Variants in ANKFY1 observed in about 807,000 individuals in gnomAD.
ANKFY1 encodes the protein ankyrin repeat and FYVE domain containing 1.
In ANKFY1, 47 loss-of-function variants were observed where a neutral mutation model predicts 128.3. That is an observed-to-expected ratio of 0.37 (90% CI 0.29 to 0.47). ANKFY1 has a LOEUF of 0.47. Ranked by LOEUF, ANKFY1 falls within the 20% of genes least tolerant of loss-of-function variation. The probability of loss-of-function intolerance (pLI) is 1.00; values close to 1 mark genes in which losing one functional copy is unlikely to be tolerated. For missense variants in ANKFY1, 1,222 were observed against 1,510.6 expected, an observed-to-expected ratio of 0.81 and a Z score of 3.17; for synonymous variants, 553 against 601.6, an observed-to-expected ratio of 0.92 and a Z score of 1.18.
intron 3 of ANKFY1, among the ~76,000 whole-genome samples, chr17:4,234,793 G>C (rs1474854145): frequency 6.6e-6 from 1 of 152,106 alleles, no homozygotes; most frequent in Non-Finnish European, 1.5e-5. Context: ...ACAGGCATGA[G>C]CCACCATACC....
At position 4,169,304 on chromosome 17, in the gene ANKFY1, G is replaced by A; in HGVS notation, c.3287-16C>T. ...GACAGCATATCTGCAACACAGGGGG[G>A]AGGCCCGGTCCCGTCAAACCGCGAC... is the stretch of plus-strand genomic sequence containing the variant. On this transcript the variant is annotated splice_polypyrimidine_tract_variant and intron_variant, in intron 23 of 24. Transcript: ENST00000341657. The surrounding 1 kb of genome is among the most constrained non-coding windows in gnomAD (Gnocchi z 5.0). 6.5e-7 allele frequency: 1 copy of A among 1,539,440 alleles called. No homozygotes were observed. The highest frequency in any genetic ancestry group is 1.2e-5 in the South Asian group (1 of 83,818).
At chr17:4,215,060 G>A (rs910935727) in intron 4 of ANKFY1, among the ~76,000 whole-genome samples, 3 of 151,996 alleles carry the variant, frequency 2.0e-5, no homozygotes, top group African/African-American at 2.4e-5. Flanking sequence ...AGGCTGAGGC[G>A]GGCGGATCAC....
rs1198704365 is a variant in ANKFY1, at chr17:4,181,169, G to C, written c.2240+85C>G. The stretch of plus-strand genomic sequence containing the variant: ...GTCAAGCCGGCTACTGGCATGCCAA[G>C]ACTATAGACGGATTTAAAAAGGAAA... On this transcript the variant is annotated intron_variant, in intron 16 of 24. Transcript: ENST00000341657. The surrounding 1 kb of genome is among the most constrained non-coding windows in gnomAD (Gnocchi z 4.9). 8.8e-7 allele frequency: 1 copy of C among 1,140,314 alleles called. No individual in the cohort carries two copies. Among genetic ancestry groups the C allele is most frequent in the Non-Finnish European group, 1.3e-6 (1 of 760,944 alleles). The allele number at this position is 1,140,314 out of a possible 1,614,324, so 70.6% of individuals were successfully genotyped here. A position where few individuals can be genotyped will look rare whatever the true frequency, so the allele number is the denominator to read the frequency against.
At chr17:4,242,153 C>T (rs1251047943) in intron 2 of ANKFY1, 103 bp downstream of exon 2, 38 of 1,215,364 alleles carry the variant, frequency 3.1e-5, no homozygotes, top group Non-Finnish European at 4.0e-5. Flanking sequence ...TGCTAATATC[C>T]TCATTAGAGA....
chr17:4,211,731 A>G (rs1215945511), intron 4 of ANKFY1, among the ~76,000 whole-genome samples: 6 of 152,022 alleles, frequency 3.9e-5, no homozygotes, highest in African/African-American at 1.4e-4. Flanking sequence ...TTAGGCAGGC[A>G]TGGTAGCATG....
At chr17:4,257,479 C>T (rs148284583) in intron 1 of ANKFY1, among the ~76,000 whole-genome samples, 2 of 152,314 alleles carry the variant, frequency 1.3e-5, no homozygotes, top group African/African-American at 4.8e-5. Context: ...TCACATCCCA[C>T]TAATTCCTTC....
chr17:4,168,887 G>A, intron 24 of ANKFY1: 1 of 350,550 alleles, frequency 2.9e-6, no homozygotes, highest in Non-Finnish European at 5.5e-6. Flanking sequence ...CACCATGAGG[G>A]CAGTAGCTCA....
At chr17:4,224,226 T>C (rs959387601) in intron 3 of ANKFY1, among the ~76,000 whole-genome samples, 32 of 133,176 alleles carry the variant, frequency 2.4e-4, no homozygotes, top group African/African-American at 8.7e-4. Context: ...TTTTTTTTTT[T>C]TTTTTTTTTT....
intron 7 of ANKFY1, among the ~76,000 whole-genome samples, chr17:4,202,878 ATCTTAAATCCTTAAGTCC>A (rs1473241622): frequency 6.6e-6 from 1 of 151,376 alleles, no homozygotes; most frequent in Non-Finnish European, 1.5e-5. Flanking sequence ...AAAATTTTAT[ATCTTAAATCCTTAAGTCC>A]TCTTAGAAGA....
chr17:4,256,525 G>A (rs746959518), intron 1 of ANKFY1, among the ~76,000 whole-genome samples: 2 of 152,154 alleles, frequency 1.3e-5, no homozygotes, highest in African/African-American at 2.4e-5. Context: ...AAGCACAGAT[G>A]TGAGAGGTGT....
chr17:4,193,646 G>A (rs1051772829), intron 10 of ANKFY1, among the ~76,000 whole-genome samples: 13 of 151,894 alleles, frequency 8.6e-5, no homozygotes, highest in Non-Finnish European at 1.8e-4. Context: ...GGATGGTCTC[G>A]AACTCCTGAC....
chr17:4,188,950 G>A (rs1351341126), intron 11 of ANKFY1: 1 of 142,044 alleles, frequency 7.0e-6, no homozygotes, highest in East Asian at 1.9e-4. Context: ...AACCCCAAAG[G>A]TAACACTTTT....
At chr17:4,172,454 C>T (rs1038007300) in intron 22 of ANKFY1, 102 bp downstream of exon 22, 65 of 1,482,960 alleles carry the variant, frequency 4.4e-5, no homozygotes, top group Middle Eastern at 5.0e-4. Context: ...AACTGTTCTG[C>T]GAGCTGAACG....
In ANKFY1 at chr17:4,240,055, T is replaced by C. The variant is rs1008167263; in HGVS notation, c.203+2201A>G. Among the ~76,000 whole-genome samples, 4 of 145,034 alleles carry C rather than the reference T, an allele frequency of 2.8e-5. No homozygotes were observed. In the South Asian group the frequency reaches 6.6e-4, roughly 24 times the overall value. The stretch of plus-strand genomic sequence containing the variant: ...TCTTTACAATTTCACCTAGATGACA[T>C]TAGCATGCCTTTTTTTTTTTTTTTT... On this transcript the variant is annotated intron_variant, in intron 2 of 24. Transcript: ENST00000341657.
intron 12 of ANKFY1, 45 bp downstream of exon 12, chr17:4,184,773 G>GGATCCTAAACT (rs2059580353): frequency 6.4e-7 from 1 of 1,574,614 alleles, no homozygotes; most frequent in Non-Finnish European, 8.7e-7. Flanking sequence ...ATCCTAAACT[G>GGATCCTAAACT]CTGTCCCCAA....
chr17:4,165,280 G>A lies in ANKFY1; in HGVS notation c.*2499C>T, dbSNP rs2059192044. On this transcript the variant is annotated 3_prime_UTR_variant, in exon 25 of 25. Transcript: ENST00000341657. ...ATTCAGCATAACAATGTTGACTGTT[G>A]CAGCAAATTATGTTTCAGTAAAGTT... is the stretch of plus-strand genomic sequence containing the variant. The A allele has an allele frequency of 6.6e-6, 1 of 152,232 alleles. No individual in the cohort carries two copies. The highest frequency in any genetic ancestry group is 1.5e-5 in the Non-Finnish European group (1 of 68,034). 9.4% of individuals were successfully genotyped at this position (152,232 alleles called of 1,614,324 possible). A position where few individuals can be genotyped will look rare whatever the true frequency, so the allele number is the denominator to read the frequency against.
At chr17:4,189,248 T>C in intron 11 of ANKFY1, 134 bp downstream of exon 11, 1 of 671,288 alleles carries the variant, frequency 1.5e-6, no homozygotes, top group Non-Finnish European at 2.5e-6. Flanking sequence ...CACTCTGGCT[T>C]TTTAACCATA....
At chr17:4,194,104 T>TATATATATATA (rs58136411) in intron 10 of ANKFY1, among the ~76,000 whole-genome samples, 2 of 43,056 alleles carry the variant, frequency 4.6e-5, no homozygotes, top group African/African-American at 1.5e-4. Flanking sequence ...TATATATATA[T>TATATATATATA]TTTTTTTTTT....
chr17:4,216,772 G>T, intron 4 of ANKFY1: 1 of 619,582 alleles, frequency 1.6e-6, no homozygotes, highest in Non-Finnish European at 2.9e-6. Context: ...ACAGACCAGT[G>T]AAAGAAAAGA....
Sources: allele counts gnomAD v4.1 joint callset (sites outside exome capture counted in the v4.1 genomes callset), GRCh38; gene constraint gnomAD v4.1.1; non-coding constraint Gnocchi (gnomAD v3.1); transcripts MANE v1.5; gene names NCBI Gene and HGNC (gene_info 2026-07-23, HGNC 2026-07-21).